The following THEMIS variants were observed in gnomAD, a reference collection of about 807,000 sequenced individuals.
THEMIS encodes protein THEMIS.
THEMIS carries 37 observed loss-of-function variants against 52.6 expected under a neutral mutation model. The observed-to-expected ratio is 0.70, with a 90% CI of 0.54 to 0.93. The LOEUF (loss-of-function observed/expected upper bound fraction) is 0.93, where lower values mean the gene tolerates loss of function less well. THEMIS is among the 40% of genes least tolerant of loss of function. The probability of loss-of-function intolerance (pLI) is 0.00; values close to 1 mark genes in which losing one functional copy is unlikely to be tolerated. For missense variants in THEMIS, 808 were observed against 763.1 expected, an observed-to-expected ratio of 1.06 and a Z score of -0.69; for synonymous variants, 292 against 272.7, an observed-to-expected ratio of 1.07 and a Z score of -0.70.
At chr6:127,787,840 G>T (rs201685906) in intron 4 of THEMIS, among the ~76,000 whole-genome samples, 29 of 89,834 alleles carry the variant, frequency 3.2e-4, no homozygotes, top group African/African-American at 9.1e-4. Flanking sequence ...GATAGATAGA[G>T]ATAGACAGAT....
chr6:127,813,532 G>T lies in THEMIS; in HGVS notation c.1109C>A (p.Thr370Asn), dbSNP rs2114608116. The T allele has an allele frequency of 1.2e-6, 2 of 1,613,360 alleles. No individual in the cohort carries two copies. Among genetic ancestry groups the T allele is most frequent in the East Asian group, 4.5e-5 (2 of 44,868 alleles). Residue 370 changes from threonine (T) to asparagine (N), a missense_variant, in exon 4 of 6, where the codon ACC becomes AAC. Physicochemically the swap from Thr to Asn is moderately conservative, Grantham distance 65. Coordinates refer to ENST00000368248, the MANE Select transcript of THEMIS (RefSeq NM_001010923.3). The part of the protein sequence containing the change: ...SEKEPLHVVA[T>N]KAFHSPHDKL... ...GTCATGAGGGGAATGAAACGCTTTG[G>T]TGGCCACCACGTGAAGAGGCTCCTT...
At chr6:127,859,174 A>G (rs1415928889) in intron 1 of THEMIS, among the ~76,000 whole-genome samples, 1 of 151,936 alleles carries the variant, frequency 6.6e-6, no homozygotes, top group Non-Finnish European at 1.5e-5. Flanking sequence ...TGCCTGCCCT[A>G]CCACCCCCTG....
At chr6:127,844,190 G>C (rs1779140254) in intron 2 of THEMIS, among the ~76,000 whole-genome samples, 1 of 151,974 alleles carries the variant, frequency 6.6e-6, no homozygotes, top group Non-Finnish European at 1.5e-5. Context: ...CTTGCTATGT[G>C]ATTTGGGGCA....
At position 127,906,953 on chromosome 6, in the gene THEMIS, CA is replaced by C. The variant is rs200672377; in HGVS notation, c.-149-5873del. 1.1e-3 allele frequency among the ~76,000 whole-genome samples: 157 copies of C among 140,642 alleles called. 1 individual carries two copies. The highest frequency in any genetic ancestry group is 3.1e-3 in the African/African-American group (112 of 35,888). 92.3% of individuals were successfully genotyped at this position (140,642 alleles called of 152,430 possible). The stretch of plus-strand genomic sequence containing the variant: ...GTAGAACTGTCTGAATGTTAAAAAA[CA>C]AAAAAAAAAATTCACAAGCAGAGAA... On this transcript the variant is annotated intron_variant, in intron 1 of 6. Transcript: ENST00000368250.
intron 1 of THEMIS, among the ~76,000 whole-genome samples, chr6:127,908,732 A>G (rs2114524740): frequency 6.6e-6 from 1 of 152,196 alleles, no homozygotes; most frequent in Middle Eastern, 3.4e-3. Flanking sequence ...ACTTTTATAT[A>G]GCATTTGTGA....
At chr6:127,899,840 CT>C (rs1286861349) in intron 1 of THEMIS, among the ~76,000 whole-genome samples, 1 of 149,770 alleles carries the variant, frequency 6.7e-6, no homozygotes, top group Non-Finnish European at 1.5e-5. Flanking sequence ...TTAAATAAAA[CT>C]GTACACTAAG....
At chr6:127,795,765 G>C (rs1004408014) in intron 4 of THEMIS, among the ~76,000 whole-genome samples, 1 of 152,212 alleles carries the variant, frequency 6.6e-6, no homozygotes, top group East Asian at 1.9e-4. Context: ...TGGTGCAAAA[G>C]TAATTGCAGT....
chr6:127,751,105 A>G (rs1583231967), intron 4 of THEMIS, among the ~76,000 whole-genome samples: 1 of 151,808 alleles, frequency 6.6e-6, no homozygotes, highest in African/African-American at 2.4e-5. Context: ...ATAACTTTTA[A>G]CTCTTGTATA....
At chr6:127,770,780 T>G (rs1776357932) in intron 4 of THEMIS, among the ~76,000 whole-genome samples, 1 of 152,234 alleles carries the variant, frequency 6.6e-6, no homozygotes, top group Admixed American at 6.5e-5. Context: ...TTAATCCATC[T>G]TGAATTAAAT....
intron 4 of THEMIS, among the ~76,000 whole-genome samples, chr6:127,745,377 G>T (rs375743374): frequency 4.0e-5 from 6 of 151,790 alleles, no homozygotes; most frequent in African/African-American, 1.4e-4. Flanking sequence ...AAATTGTGGT[G>T]AATTCATAAG....
At chr6:127,822,115 ACTTCAT>A (rs1167213849) in intron 3 of THEMIS, among the ~76,000 whole-genome samples, 1 of 151,888 alleles carries the variant, frequency 6.6e-6, no homozygotes, top group African/African-American at 2.4e-5. Flanking sequence ...AAAAGTATGA[ACTTCAT>A]CTTCATCTCT....
intron 1 of THEMIS, among the ~76,000 whole-genome samples, chr6:127,866,638 T>C (rs568169933): frequency 6.6e-6 from 1 of 152,118 alleles, no homozygotes; most frequent in South Asian, 2.1e-4. Context: ...TAAAGTTTCA[T>C]AACAAATTGA....
chr6:127,823,084 A>T (rs1462618333), intron 3 of THEMIS, among the ~76,000 whole-genome samples: 1 of 152,168 alleles, frequency 6.6e-6, no homozygotes, highest in East Asian at 1.9e-4. Context: ...TTTCTCTGGA[A>T]AATCCTAACA....
chr6:127,727,973 A>T (rs1367204105), intron 4 of THEMIS, among the ~76,000 whole-genome samples: 7 of 152,044 alleles, frequency 4.6e-5, no homozygotes, highest in African/African-American at 1.7e-4. Flanking sequence ...CCACCAACCA[A>T]CACTTTTTTG....
At chr6:127,796,207 A>C (rs73771854) in intron 4 of THEMIS, among the ~76,000 whole-genome samples, 3,228 of 152,244 alleles carry the variant, frequency 0.021, 108 homozygotes, top group African/African-American at 0.072. Context: ...CAAAAAACTA[A>C]TGTGGGTTGA....
intron 4 of THEMIS, among the ~76,000 whole-genome samples, chr6:127,799,587 T>TTTCTTTC (rs1562264826): frequency 3.2e-5 from 4 of 124,550 alleles, no homozygotes; most frequent in African/African-American, 6.0e-5. Flanking sequence ...TTCTTTCTTT[T>TTTCTTTC]TTTCTTTCTT....
chr6:127,709,793 T>C lies in THEMIS; in HGVS notation c.*192A>G. On this transcript the variant is annotated 3_prime_UTR_variant, in exon 6 of 6. Transcript: ENST00000368248. The stretch of plus-strand genomic sequence containing the variant: ...GATTTAGACACAACAGAATAGACTA[T>C]ATGAATTCTATATCATAGGTTTCTG... 2 of 549,278 alleles carry C rather than the reference T, an allele frequency of 3.6e-6. No homozygotes were observed. The highest frequency in any genetic ancestry group is 6.3e-6 in the Non-Finnish European group (2 of 316,026). The allele number at this position is 549,278 out of a possible 1,614,324, so 34.0% of individuals were successfully genotyped here. A position where few individuals can be genotyped will look rare whatever the true frequency, so the allele number is the denominator to read the frequency against.
chr6:127,741,208 T>C (rs1449371564), intron 4 of THEMIS, among the ~76,000 whole-genome samples: 1 of 152,212 alleles, frequency 6.6e-6, no homozygotes. Context: ...ATGCGTAAGC[T>C]TACCATTTCC....
chr6:127,714,453 C>T lies in THEMIS; in HGVS notation c.1895-4437G>A, dbSNP rs187706959. On this transcript the variant is annotated intron_variant, in intron 5 of 5. Transcript: ENST00000368248. ...GAAAATGAAAAATCAAACATTCCTG[C>T]CACCCCAGCCATAAAAAATCAGGCA... Among the ~76,000 whole-genome samples the T allele has an allele frequency of 4.5e-3, 680 of 151,788 alleles. 4 individuals carry two copies. The highest frequency in any genetic ancestry group is 0.015 in the African/African-American group (635 of 41,450).
Sources: allele counts gnomAD v4.1 joint callset (sites outside exome capture counted in the v4.1 genomes callset), GRCh38; gene constraint gnomAD v4.1.1; transcripts MANE v1.5; gene names NCBI Gene and HGNC (gene_info 2026-07-23, HGNC 2026-07-21).